The following FARSB variants were observed in gnomAD, a reference collection of about 807,000 sequenced individuals.
FARSB encodes phenylalanyl-tRNA synthetase subunit beta, also known as phenylalanine--tRNA ligase beta subunit.
FARSB carries 40 observed loss-of-function variants against 69.6 expected under a neutral mutation model. The observed-to-expected ratio is 0.57, with a 90% CI of 0.45 to 0.75. The LOEUF is 0.75. Ranked by LOEUF, FARSB falls within the 30% of genes least tolerant of loss-of-function variation. The pLI is 0.00. For synonymous variants in FARSB, 235 were observed against 247.2 expected (o/e 0.95, Z 0.46); for missense variants, 632 against 722.9 (o/e 0.87, Z 1.44).
At chr2:222,625,637 AG>A (rs1691249394) in intron 10 of FARSB, among the ~76,000 whole-genome samples, 1 of 152,220 alleles carries the variant, frequency 6.6e-6, no homozygotes, top group African/African-American at 2.4e-5. Flanking sequence ...AATGCACTGC[AG>A]GGTTTGGGAG....
chr2:222,596,463 T>C (rs1470291811), intron 16 of FARSB, among the ~76,000 whole-genome samples: 3 of 152,150 alleles, frequency 2.0e-5, no homozygotes, highest in African/African-American at 4.8e-5. Flanking sequence ...AACTGACATA[T>C]GCAGGAATCT....
At chr2:222,608,032 T>C (rs1009307485) in intron 15 of FARSB, among the ~76,000 whole-genome samples, 5 of 152,180 alleles carry the variant, frequency 3.3e-5, no homozygotes, top group Non-Finnish European at 7.4e-5. Context: ...CTTAACTATG[T>C]GGAACCAAAT....
intron 15 of FARSB, among the ~76,000 whole-genome samples, chr2:222,602,584 T>A (rs988009177): frequency 1.6e-4 from 24 of 151,836 alleles, no homozygotes; most frequent in African/African-American, 3.4e-4. Flanking sequence ...CTTTTTTTTT[T>A]TATACCATAT....
chr2:222,633,076 C>T, intron 7 of FARSB, 123 bp downstream of exon 7: 1 of 659,564 alleles, frequency 1.5e-6, no homozygotes, highest in South Asian at 1.7e-5. Context: ...CTACAAAAGA[C>T]CTGAGATACT....
At chr2:222,576,435 A>G (rs1315273115) in intron 16 of FARSB, among the ~76,000 whole-genome samples, 1 of 152,174 alleles carries the variant, frequency 6.6e-6, no homozygotes, top group Non-Finnish European at 1.5e-5. Flanking sequence ...CACATATGTC[A>G]TAGCAAACAA....
intron 16 of FARSB, among the ~76,000 whole-genome samples, chr2:222,573,828 T>C (rs758219359): frequency 1.3e-5 from 2 of 152,200 alleles, no homozygotes; most frequent in East Asian, 1.9e-4. Context: ...ATCTTATTAA[T>C]AGATTCAACG....
At chr2:222,588,743 G>A (rs575873868) in intron 16 of FARSB, among the ~76,000 whole-genome samples, 6 of 152,076 alleles carry the variant, frequency 3.9e-5, no homozygotes, top group African/African-American at 1.2e-4. Flanking sequence ...CAGATCGTGA[G>A]TGAACTCCCA....
At chr2:222,594,173 G>A (rs12472485) in intron 16 of FARSB, among the ~76,000 whole-genome samples, 9 of 150,794 alleles carry the variant, frequency 6.0e-5, no homozygotes, top group African/African-American at 1.2e-4. Flanking sequence ...TAGCTGAAGC[G>A]GGAGAATCAC....
chr2:222,648,214 A>G (rs1214544840), intron 2 of FARSB, among the ~76,000 whole-genome samples: 2 of 152,336 alleles, frequency 1.3e-5, no homozygotes, highest in East Asian at 1.9e-4. Context: ...TATACAATCA[A>G]AAGTCAAAGA....
chr2:222,589,422 C>T (rs1690205039), intron 16 of FARSB, among the ~76,000 whole-genome samples: 1 of 152,022 alleles, frequency 6.6e-6, no homozygotes, highest in Non-Finnish European at 1.5e-5. Context: ...AGAATAAAAC[C>T]TAGGCAATAC....
At chr2:222,598,808 C>T (rs1233460473) in intron 16 of FARSB, among the ~76,000 whole-genome samples, 1 of 152,024 alleles carries the variant, frequency 6.6e-6, no homozygotes, top group African/African-American at 2.4e-5. Context: ...AAACCGGGCT[C>T]GTGGGCTGGA....
intron 1 of FARSB, among the ~76,000 whole-genome samples, chr2:222,650,326 G>T (rs1691998710): frequency 6.6e-6 from 1 of 152,132 alleles, no homozygotes; most frequent in Non-Finnish European, 1.5e-5. Flanking sequence ...TCTTCGGCTG[G>T]GCAAAAACAT....
At chr2:222,633,719 G>C (rs1296163462) in intron 6 of FARSB, among the ~76,000 whole-genome samples, 1 of 144,576 alleles carries the variant, frequency 6.9e-6, no homozygotes, top group Non-Finnish European at 1.5e-5. Context: ...GGAAAAGTTA[G>C]AAAAACATTA....
intron 2 of FARSB, 81 bp downstream of exon 2, chr2:222,648,659 C>T (rs1386729482): frequency 1.1e-6 from 1 of 903,542 alleles, no homozygotes; most frequent in Non-Finnish European, 1.9e-6. Flanking sequence ...TATAAGGTAA[C>T]AAAGATGAAA....
At chr2:222,588,199 G>C (rs1252474258) in intron 16 of FARSB, among the ~76,000 whole-genome samples, 1 of 152,130 alleles carries the variant, frequency 6.6e-6, no homozygotes, top group African/African-American at 2.4e-5. Flanking sequence ...TGCAAGGCTG[G>C]TTCAACATAT....
At chr2:222,644,718 T>C (rs1258384628) in intron 2 of FARSB, among the ~76,000 whole-genome samples, 2 of 152,188 alleles carry the variant, frequency 1.3e-5, no homozygotes. Context: ...TATACCATGT[T>C]TCTTCCTATA....
intron 3 of FARSB, among the ~76,000 whole-genome samples, chr2:222,641,216 T>C (rs1276474118): frequency 6.6e-6 from 1 of 152,096 alleles, no homozygotes; most frequent in East Asian, 1.9e-4. Flanking sequence ...TGAGCAACCG[T>C]TTAAGGAGCA....
rs1690509929 is a variant in FARSB at position 222,599,681 on chromosome 2, T to G, written c.1618+247A>C. Among the ~76,000 whole-genome samples the G allele has an allele frequency of 3.3e-5, 5 of 152,306 alleles. No homozygotes were observed. In the South Asian group the frequency reaches 1.0e-3, roughly 32 times the overall value. On this transcript the variant is annotated intron_variant, in intron 16 of 16. Coordinates refer to ENST00000281828, the MANE Select transcript of FARSB (RefSeq NM_005687.5). Reference sequence around the variant, plus strand: ...CATTTTGATGGCTTAAAGGTGCCAGTAACTAGGGGTTACAGCTCAGTTGGA... The same window carrying G: ...CATTTTGATGGCTTAAAGGTGCCAGGAACTAGGGGTTACAGCTCAGTTGGA...
intron 15 of FARSB, among the ~76,000 whole-genome samples, chr2:222,604,411 G>A (rs571042732): frequency 3.4e-4 from 52 of 152,154 alleles, no homozygotes; most frequent in Admixed American, 9.8e-4. Flanking sequence ...GTTGAACTTC[G>A]GACTGAACAG....
Sources: gnomAD v4.1 joint callset for allele counts (sites outside exome capture counted in the v4.1 genomes callset) on GRCh38, gnomAD v4.1.1 for gene constraint, MANE v1.5 for transcripts, NCBI Gene and HGNC (gene_info 2026-07-23, HGNC 2026-07-21) for gene names.